The following HEATR1 variants were observed in gnomAD, a reference collection of about 807,000 sequenced individuals.
HEATR1 encodes HEAT repeat-containing protein 1.
A neutral mutation model predicts 248.2 loss-of-function variants in HEATR1; 77 were observed. The observed-to-expected ratio is 0.31, with a 90% CI of 0.26 to 0.37. The LOEUF is 0.37. Among genes scored for constraint, HEATR1 ranks in the 10% least tolerant of loss-of-function variants. The pLI, the probability that HEATR1 is intolerant of heterozygous loss-of-function variation, is 1.00. For synonymous variants in HEATR1, 897 were observed against 923.1 expected (o/e 0.97, Z 0.51); for missense variants, 2,420 against 2,504.9 (o/e 0.97, Z 0.72).
intron 14 of HEATR1, 121 bp downstream of exon 14, chr1:236,587,278 TCTA>T (rs1663918315): frequency 2.3e-6 from 1 of 433,804 alleles, no homozygotes; most frequent in Admixed American, 4.1e-5. Flanking sequence ...TAAGATCTGT[TCTA>T]CTACCACGAC....
intron 24 of HEATR1, 138 bp from the exon 25 acceptor site, chr1:236,572,966 A>G (rs578195132): frequency 2.7e-6 from 2 of 751,868 alleles, no homozygotes; most frequent in East Asian, 2.6e-5. Context: ...AACCCCCCCC[A>G]GCATTGGATG....
In HEATR1 at chr1:236,566,709, G is replaced by C. The variant is rs778881326; in HGVS notation, c.4245C>G (p.Leu1415=). The change falls in exon 30 of 45, where the codon CTC becomes CTG. Residue 1415 remains leucine, a synonymous_variant. Transcript: ENST00000366582. The stretch of plus-strand genomic sequence containing the variant: ...CATACTGTTCAAAAAGCAAGATGAG[G>C]AGAATCCAGAGGAATTTCTCTGCAC... ...TLGAEKFLWI[L]LILLFEQYVT... 28 of 1,614,112 alleles carry C rather than the reference G, an allele frequency of 1.7e-5. No homozygotes were observed. The highest frequency in any genetic ancestry group is 2.4e-5 in the Non-Finnish European group (28 of 1,180,018).
chr1:236,596,728 C>T, intron 6 of HEATR1, 108 bp downstream of exon 6: 1 of 1,086,122 alleles, frequency 9.2e-7, no homozygotes. Flanking sequence ...CAGCTATCAT[C>T]TGAAATAAAC....
At chr1:236,557,173 T>C (rs181947552) in intron 37 of HEATR1, 22 bp downstream of exon 37, 214 of 1,612,032 alleles carry the variant, frequency 1.3e-4, no homozygotes, top group African/African-American at 1.1e-3. Flanking sequence ...CTGCGTAGCA[T>C]GTCGTGGCTA....
rs972210216 is a variant in HEATR1 at position 236,556,382 on chromosome 1, C to T, written c.5356-124G>A. 47 of 997,940 alleles carry T rather than the reference C, an allele frequency of 4.7e-5. No homozygotes were observed. In the African/African-American group the frequency reaches 6.4e-4, roughly 13 times the overall value. 61.8% of individuals were successfully genotyped at this position (997,940 alleles called of 1,614,324 possible). ...AAATGCTTAGCACTTTTTAACTACA[C>T]ACAGAATTCCTTTTAAAGTCAGCCC... On this transcript the variant is annotated intron_variant, in intron 37 of 44. Coordinates refer to ENST00000366582, the MANE Select transcript of HEATR1 (RefSeq NM_018072.6).
intron 13 of HEATR1, 152 bp downstream of exon 13, chr1:236,587,796 C>G (rs1401575177): frequency 1.9e-6 from 1 of 523,884 alleles, no homozygotes; most frequent in African/African-American, 2.0e-5. Flanking sequence ...GTGAGTTTCT[C>G]CTAACCAGAC....
At chr1:236,561,977 C>A (rs1372861664) in intron 32 of HEATR1, among the ~76,000 whole-genome samples, 1 of 152,154 alleles carries the variant, frequency 6.6e-6, no homozygotes, top group African/African-American at 2.4e-5. Flanking sequence ...AAGGGAATGA[C>A]CAGATCACAG....
Position 236,555,353 on chromosome 1 carries a change from C to T in HEATR1, c.5866G>A (p.Gly1956Ser), listed in dbSNP as rs780852573. The T allele has an allele frequency of 4.0e-5, 64 of 1,614,036 alleles. 1 individual carries two copies. Among genetic ancestry groups the T allele is most frequent in the South Asian group, 6.6e-5 (6 of 91,078 alleles). The change falls in exon 41 of 45, where the codon GGC becomes AGC. Residue 1956 changes from glycine (G) to serine (S), a missense_variant. Physicochemically the swap from Gly to Ser is moderately conservative, Grantham distance 56. Coordinates refer to ENST00000366582, the MANE Select transcript of HEATR1 (RefSeq NM_018072.6). ...KLKGLFTLFA[G>S]HLVKPFADTL... ...TCAGCAAAAGGCTTCACTAAGTGGC[C>T]GGCAAACAGAGTAAAAAGCCCTTTC...
rs1662703685 is a variant in HEATR1, at chr1:236,550,932, G to A, written c.6405C>T (p.Val2135=). ...CQKTIQQLET[V]LGEPLQSYF Reference sequence around the variant, plus strand: ...AATAGCTCTGGAGTGGCTCTCCCAGGACAGTTTCCAGTTGCTGAATAGTCT... The same window carrying A: ...AATAGCTCTGGAGTGGCTCTCCCAGAACAGTTTCCAGTTGCTGAATAGTCT... Residue 2135 remains valine (V), a synonymous_variant, in exon 45 of 45, where the codon GTC becomes GTT. Transcript: ENST00000366582. 6.2e-7 allele frequency: 1 copy of A among 1,608,600 alleles called. No individual in the cohort carries two copies. The highest frequency in any genetic ancestry group is 1.4e-5 in the African/African-American group (1 of 74,008).
At chr1:236,576,122 C>T (rs1446302283) in intron 22 of HEATR1, 97 bp downstream of exon 22, 2 of 911,056 alleles carry the variant, frequency 2.2e-6, no homozygotes, top group Admixed American at 5.6e-5. Context: ...TGAGCGCACA[C>T]ATGCAACTCT....
In HEATR1 at chr1:236,557,228, G is replaced by A. The variant is rs753811642; in HGVS notation, c.5322C>T (p.Phe1774=). The A allele has an allele frequency of 6.2e-7, 1 of 1,614,132 alleles. No homozygotes were observed. Among genetic ancestry groups the A allele is most frequent in the Non-Finnish European group, 8.5e-7 (1 of 1,179,992 alleles). The change falls in exon 37 of 45, where the codon TTC becomes TTT. Residue 1774 remains phenylalanine, a synonymous_variant. Transcript: ENST00000366582. ...LQKVVETLPH[F]ISPYLEGILS... is the part of the protein sequence containing the mutation. Reference sequence around the variant, plus strand: ...GAATGCCTTCCAGATAGGGGCTGATGAAGTGCGGGAGAGTCTCCACAACCT... The same window carrying A: ...GAATGCCTTCCAGATAGGGGCTGATAAAGTGCGGGAGAGTCTCCACAACCT...
chr1:236,564,760 GA>G (rs1663224918), intron 31 of HEATR1, 99 bp from the exon 32 acceptor site: 1 of 1,129,482 alleles, frequency 8.9e-7, no homozygotes, highest in Non-Finnish European at 1.2e-6. Context: ...CAATTAACGG[GA>G]TAACATTTTC....
chr1:236,565,383 C>T (rs1163215606), intron 31 of HEATR1, among the ~76,000 whole-genome samples: 7 of 152,224 alleles, frequency 4.6e-5, no homozygotes, highest in East Asian at 3.9e-4. Context: ...TCTTGAACTG[C>T]GCTAAAGTGA....
intron 14 of HEATR1, among the ~76,000 whole-genome samples, 160 bp downstream of exon 14, chr1:236,587,242 C>T (rs1020483840): frequency 1.3e-5 from 2 of 151,248 alleles, no homozygotes; most frequent in Non-Finnish European, 2.9e-5. Flanking sequence ...AATTAATTAA[C>T]TGTATAATGA....
chr1:236,553,456 G>A, intron 43 of HEATR1, 125 bp downstream of exon 43: 1 of 995,980 alleles, frequency 1.0e-6, no homozygotes, highest in East Asian at 2.5e-5. Context: ...TCTAGTACTG[G>A]ATGACAAATA....
At chr1:236,593,932 G>T in intron 9 of HEATR1, 80 bp downstream of exon 9, 1 of 922,190 alleles carries the variant, frequency 1.1e-6, no homozygotes, top group Non-Finnish European at 1.7e-6. Flanking sequence ...AAGGAATGCT[G>T]GGAAATTTCT....
In HEATR1 at chr1:236,594,070, A is replaced by G. The variant is rs1460526428; in HGVS notation, c.1135T>C (p.Leu379=). Residue 379 remains leucine, a synonymous_variant, in exon 9 of 45, where the codon TTA becomes CTA. Coordinates refer to ENST00000366582, the MANE Select transcript of HEATR1 (RefSeq NM_018072.6). ...GMDGQIYKRH[L]EAILTKISLK... ...GATATTTTTGTAAGTATAGCTTCTA[A>G]GTGTCTCTTGTAGATTTGACCATCC... 1 of 1,602,246 alleles carries G rather than the reference A, an allele frequency of 6.2e-7. No homozygotes were observed. The highest frequency in any genetic ancestry group is 8.5e-7 in the Non-Finnish European group (1 of 1,176,046).
chr1:236,570,969 G>C (rs896352999), intron 28 of HEATR1, among the ~76,000 whole-genome samples: 1 of 152,152 alleles, frequency 6.6e-6, no homozygotes, highest in Non-Finnish European at 1.5e-5. Context: ...TGAAGTCACT[G>C]GTTAAAGGTT....
chr1:236,575,197 A>G (rs1014743490), intron 22 of HEATR1, among the ~76,000 whole-genome samples: 1 of 152,234 alleles, frequency 6.6e-6, no homozygotes, highest in Non-Finnish European at 1.5e-5. Flanking sequence ...CTAAAACTTT[A>G]GAGAATAAAA....
Sources: allele counts gnomAD v4.1 joint callset (sites outside exome capture counted in the v4.1 genomes callset), GRCh38; gene constraint gnomAD v4.1.1; transcripts MANE v1.5; gene names NCBI Gene and HGNC (gene_info 2026-07-23, HGNC 2026-07-21).